Variants in PDE9A observed in about 807,000 individuals in gnomAD.
The protein encoded by PDE9A is phosphodiesterase 9A.
PDE9A carries 60 observed loss-of-function variants against 87.4 expected under a neutral mutation model. The ratio of observed to expected loss-of-function variants is 0.69; its 90% confidence interval spans 0.56 to 0.85. The LOEUF is 0.85. Among genes scored for constraint, PDE9A ranks in the 40% least tolerant of loss-of-function variants. PDE9A has a pLI of 0.00. For missense variants in PDE9A, 665 were observed against 779.0 expected (o/e 0.85, Z 1.74); for synonymous variants, 272 against 279.4 (o/e 0.97, Z 0.27).
chr21:42,679,804 C>A (rs1420554729), intron 1 of PDE9A, among the ~76,000 whole-genome samples: 3 of 152,240 alleles, frequency 2.0e-5, no homozygotes, highest in Non-Finnish European at 4.4e-5. Context: ...GTCCCTTAAC[C>A]CAGAGGCCCT....
At chr21:42,678,258 G>T (rs2058963637) in intron 1 of PDE9A, among the ~76,000 whole-genome samples, 1 of 152,216 alleles carries the variant, frequency 6.6e-6, no homozygotes, top group Non-Finnish European at 1.5e-5. Flanking sequence ...CAGCCCTTCT[G>T]CCCAGCTCCT....
chr21:42,759,518 ATGTG>A lies in PDE9A; in HGVS notation c.897+436_897+439del, dbSNP rs1330753066. 9.8e-6 allele frequency among the ~76,000 whole-genome samples: 1 copy of A among 102,412 alleles called. No individual in the cohort carries two copies. The highest frequency in any genetic ancestry group is 9.2e-5 in the Admixed American group (1 of 10,864). The allele number at this position is 102,412 out of a possible 152,430, so 67.2% of individuals were successfully genotyped here. ...TTTGTGAGTGGGTGTGTGGATGTAA[ATGTG>A]TGGGAGCGTGTGTGTGTGTGAGTGT... On this transcript the variant is annotated intron_variant, in intron 11 of 19. Transcript: ENST00000291539. This position sits in a 1 kb window ranked among gnomAD's most constrained non-coding sequence, Gnocchi z 7.2.
chr21:42,773,877 GA>G (rs2064938028), intron 19 of PDE9A, among the ~76,000 whole-genome samples: 1 of 149,322 alleles, frequency 6.7e-6, no homozygotes, highest in Non-Finnish European at 1.5e-5. Context: ...GGCCAAGGTG[GA>G]CGGATCACAA....
chr21:42,754,041 G>T lies in PDE9A; in HGVS notation c.787G>T (p.Val263Phe), dbSNP rs188819062. Residue 263 changes from valine (V) to phenylalanine (F), a missense_variant, in exon 10 of 20, where the codon GTC (valine) becomes TTC (phenylalanine). Physicochemically the swap from Val to Phe is conservative, Grantham distance 50. Coordinates refer to ENST00000291539, the MANE Select transcript of PDE9A (RefSeq NM_002606.3). ...GGCCCTGCGGAAGCCGACCTTTGACGTCTGGCTTTGGGAGCCCAATGAGGT... is the reference window on the plus strand; with the variant it reads ...GGCCCTGCGGAAGCCGACCTTTGACTTCTGGCTTTGGGAGCCCAATGAGGT... Reference protein sequence around the residue: ...IEALRKPTFDVWLWEPNEMLS... With the variant: ...IEALRKPTFDFWLWEPNEMLS... 1.2e-6 allele frequency: 2 copies of T among 1,613,086 alleles called. No homozygotes were observed. The highest frequency in any genetic ancestry group is 2.7e-5 in the African/African-American group (2 of 74,964).
At chr21:42,656,803 C>T (rs540048152) in intron 1 of PDE9A, among the ~76,000 whole-genome samples, 1 of 152,314 alleles carries the variant, frequency 6.6e-6, no homozygotes, top group African/African-American at 2.4e-5. Context: ...GACTCTGTGC[C>T]CTGGAGTCCA....
chr21:42,760,308 G>A lies in PDE9A; in HGVS notation c.898-20G>A, dbSNP rs376031408. The A allele has an allele frequency of 3.9e-5, 58 of 1,494,652 alleles. No homozygotes were observed. The highest frequency in any genetic ancestry group is 2.3e-4 in the African/African-American group (17 of 73,794). 92.6% of individuals were successfully genotyped at this position (1,494,652 alleles called of 1,614,324 possible). A position where few individuals can be genotyped will look rare whatever the true frequency, so the allele number is the denominator to read the frequency against. ...GGCGGGCCCAGGCACAGGGTGACTCGGACCCCCTGCCTCCCGCAGTTCTGC... is the reference window on the plus strand; with the variant it reads ...GGCGGGCCCAGGCACAGGGTGACTCAGACCCCCTGCCTCCCGCAGTTCTGC... On this transcript the variant is annotated intron_variant, in intron 11 of 19. Coordinates refer to ENST00000291539, the MANE Select transcript of PDE9A (RefSeq NM_002606.3). This position sits in a 1 kb window ranked among gnomAD's most constrained non-coding sequence, Gnocchi z 5.2.
rs1223587163 is a variant in PDE9A at position 42,659,720 on chromosome 21, G to A, written c.69+5837G>A. On this transcript the variant is annotated intron_variant, in intron 1 of 19. Coordinates refer to ENST00000291539, the MANE Select transcript of PDE9A (RefSeq NM_002606.3). This position sits in a 1 kb window ranked among gnomAD's most constrained non-coding sequence, Gnocchi z 4.1. ...AGCTAGAACCACAGGCTCCCATGAA[G>A]AAGGAGCCAGAACCACAGGCCCCAT... 6.6e-6 allele frequency among the ~76,000 whole-genome samples: 1 copy of A among 152,190 alleles called. No homozygotes were observed. Among genetic ancestry groups the A allele is most frequent in the African/African-American group, 2.4e-5 (1 of 41,448 alleles).
At chr21:42,703,681 C>G (rs2048571438) in intron 4 of PDE9A, among the ~76,000 whole-genome samples, 1 of 152,130 alleles carries the variant, frequency 6.6e-6, no homozygotes, top group South Asian at 2.1e-4. Context: ...TGTCCTAAGG[C>G]CGGAGCTGCT....
chr21:42,690,254 T>C (rs564531706), intron 3 of PDE9A, among the ~76,000 whole-genome samples: 34 of 151,080 alleles, frequency 2.3e-4, no homozygotes, highest in African/African-American at 8.3e-4. Context: ...AAGATGGGGT[T>C]AGACGCGGAT....
At chr21:42,768,472 G>A in intron 16 of PDE9A, 180 bp downstream of exon 16, 1 of 1,145,418 alleles carries the variant, frequency 8.7e-7, no homozygotes, top group Non-Finnish European at 1.2e-6. Flanking sequence ...TATAATTTGA[G>A]ACCTGAAAGA....
chr21:42,740,374 G>T (rs1051537304), intron 7 of PDE9A, among the ~76,000 whole-genome samples: 1 of 151,772 alleles, frequency 6.6e-6, no homozygotes, highest in Non-Finnish European at 1.5e-5. Flanking sequence ...AACCTAGGAG[G>T]TAAAGGTTGC....
intron 4 of PDE9A, among the ~76,000 whole-genome samples, chr21:42,720,021 T>C (rs2050339735): frequency 6.6e-6 from 1 of 152,210 alleles, no homozygotes; most frequent in African/African-American, 2.4e-5. Flanking sequence ...CAGAGTTGAT[T>C]TCCTTTGGCT....
At chr21:42,681,386 C>T (rs1392072066) in intron 1 of PDE9A, among the ~76,000 whole-genome samples, 1 of 152,232 alleles carries the variant, frequency 6.6e-6, no homozygotes, top group Non-Finnish European at 1.5e-5. Context: ...CGGTCCGCAG[C>T]CGATGGCCCA....
intron 17 of PDE9A, among the ~76,000 whole-genome samples, chr21:42,769,531 C>CACAGGT (rs2056772928): frequency 7.3e-6 from 1 of 136,082 alleles, no homozygotes; most frequent in African/African-American, 2.9e-5. Flanking sequence ...CACACAGGCA[C>CACAGGT]ACACAGGCAC....
chr21:42,738,020 C>T (rs2052653009), intron 7 of PDE9A, among the ~76,000 whole-genome samples: 1 of 152,100 alleles, frequency 6.6e-6, no homozygotes, highest in Non-Finnish European at 1.5e-5. Flanking sequence ...AACAGAACAC[C>T]CAGGCTCCTC....
intron 7 of PDE9A, among the ~76,000 whole-genome samples, chr21:42,742,437 T>C (rs1217935550): frequency 1.4e-5 from 2 of 147,610 alleles, no homozygotes; most frequent in South Asian, 2.1e-4. Flanking sequence ...GAGGAAATCA[T>C]AGGGAGTTGA....
At chr21:42,728,624 T>C (rs2051388017) in intron 4 of PDE9A, among the ~76,000 whole-genome samples, 2 of 152,188 alleles carry the variant, frequency 1.3e-5, no homozygotes, top group South Asian at 4.1e-4. Context: ...TGTATCTATA[T>C]TCATGAGGGA....
intron 4 of PDE9A, among the ~76,000 whole-genome samples, chr21:42,706,172 C>T (rs1005849494): frequency 2.0e-5 from 3 of 152,156 alleles, no homozygotes; most frequent in African/African-American, 7.2e-5. Context: ...CAGGTGGTGA[C>T]CAAATGCATT....
chr21:42,772,674 C>T (rs1189649658), intron 19 of PDE9A, among the ~76,000 whole-genome samples, 154 bp downstream of exon 19: 2 of 151,652 alleles, frequency 1.3e-5, no homozygotes, highest in African/African-American at 4.8e-5. Flanking sequence ...GCTCTTGTTG[C>T]CCAGGTTGGA....
Sources: allele counts gnomAD v4.1 joint callset (sites outside exome capture counted in the v4.1 genomes callset), GRCh38; gene constraint gnomAD v4.1.1; non-coding constraint Gnocchi (gnomAD v3.1); transcripts MANE v1.5; gene names NCBI Gene and HGNC (gene_info 2026-07-23, HGNC 2026-07-21).